MANBA: variants seen among roughly 807,000 people sequenced by gnomAD.
The protein encoded by MANBA is mannosidase beta.
MANBA carries 83 observed loss-of-function variants against 111.1 expected under a neutral mutation model. The observed-to-expected ratio is 0.75, with a 90% CI of 0.63 to 0.90. MANBA has a LOEUF of 0.90. Ranked by LOEUF, MANBA falls within the 40% of genes least tolerant of loss-of-function variation. MANBA has a pLI of 0.00. For missense variants in MANBA, 1,036 were observed against 1,069.0 expected (o/e 0.97, Z 0.43); for synonymous variants, 370 against 378.7 (o/e 0.98, Z 0.27).
chr4:102,706,029 C>G (rs1224762657), intron 5 of MANBA, among the ~76,000 whole-genome samples: 4 of 152,200 alleles, frequency 2.6e-5, no homozygotes, highest in African/African-American at 9.7e-5. Flanking sequence ...GCCACTGCTA[C>G]TGCCATTTCC....
chr4:102,752,199 C>T, intron 1 of MANBA: 1 of 832,736 alleles, frequency 1.2e-6, no homozygotes, highest in Non-Finnish European at 2.1e-6. Context: ...ATCTGCAGTG[C>T]ATCTTGGGAC....
At chr4:102,751,424 CT>C in intron 1 of MANBA, 1 of 483,190 alleles carries the variant, frequency 2.1e-6, no homozygotes. Context: ...AAACACATTT[CT>C]ACACCGATAA....
At chr4:102,754,297 C>T (rs1723922376) in intron 1 of MANBA, among the ~76,000 whole-genome samples, 1 of 151,912 alleles carries the variant, frequency 6.6e-6, no homozygotes, top group South Asian at 2.1e-4. Flanking sequence ...TATGAATCAG[C>T]TATTTAACTT....
intron 1 of MANBA, among the ~76,000 whole-genome samples, chr4:102,737,552 T>G (rs942249432): frequency 6.6e-6 from 1 of 152,062 alleles, no homozygotes; most frequent in African/African-American, 2.4e-5. Context: ...GCACGATCTC[T>G]GCTCACTGCA....
chr4:102,635,876 T>C lies in MANBA; in HGVS notation c.2146A>G (p.Met716Val), dbSNP rs774828127. ...TCCAAGTAACTTACACTGAGTGTCA[T>C]CGAATAATCCGAGTGAAGATCTGAC... ...GVSDLHSDYS[M>V]TLSVRVHTWS... The change falls in exon 15 of 17, where the codon ATG (methionine) becomes GTG (valine). Residue 716 changes from methionine (M) to valine (V), a missense_variant. Physicochemically the swap from Met to Val is conservative, Grantham distance 21 (BLOSUM62 1). Coordinates refer to ENST00000647097, the MANE Select transcript of MANBA (RefSeq NM_005908.4). 6.2e-7 allele frequency: 1 copy of C among 1,612,310 alleles called. No homozygotes were observed. The highest frequency in any genetic ancestry group is 1.1e-5 in the South Asian group (1 of 91,040).
rs121434335 is a variant in MANBA at position 102,726,614 on chromosome 4, C to T, written c.247G>A (p.Glu83Lys). The stretch of plus-strand genomic sequence containing the variant: ...CTAATTTCAAAGGGGATTTTAAATT[C>T]TTTGCTATAGGTCCAGTTATCCAAA... ...VSLDNWTYSK[E>K]FKIPFEISKW... The change falls in exon 2 of 17, where the codon GAA becomes AAA. Residue 83 changes from glutamate (E) to lysine (K), a missense_variant. Coordinates refer to ENST00000647097, the MANE Select transcript of MANBA (RefSeq NM_005908.4). 6.4e-7 allele frequency: 1 copy of T among 1,551,486 alleles called. No individual in the cohort carries two copies. Among genetic ancestry groups the T allele is most frequent in the South Asian group, 1.1e-5 (1 of 88,898 alleles).
intron 16 of MANBA, chr4:102,633,214 C>G (rs1449232769): frequency 2.5e-6 from 1 of 398,204 alleles, no homozygotes; most frequent in Non-Finnish European, 4.4e-6. Context: ...ATCAGAGACT[C>G]AGGCTTGAAT....
chr4:102,651,391 T>C (rs1730327696), intron 12 of MANBA, among the ~76,000 whole-genome samples: 1 of 151,932 alleles, frequency 6.6e-6, no homozygotes, highest in African/African-American at 2.4e-5. Flanking sequence ...TGTCGTCAGC[T>C]CAAATTAAAA....
intron 1 of MANBA, chr4:102,729,163 T>A (rs1283715657): frequency 2.8e-5 from 20 of 723,312 alleles, no homozygotes; most frequent in Non-Finnish European, 3.3e-5. Flanking sequence ...GCTGCAGACA[T>A]CTGTGATGGT....
intron 5 of MANBA, among the ~76,000 whole-genome samples, chr4:102,705,936 C>T (rs1009484965): frequency 6.6e-5 from 10 of 152,228 alleles, no homozygotes; most frequent in South Asian, 2.1e-4. Context: ...GTGCCACCTA[C>T]GGGCCTGGGG....
chr4:102,745,633 T>C (rs1723558984), intron 1 of MANBA, among the ~76,000 whole-genome samples: 1 of 152,164 alleles, frequency 6.6e-6, no homozygotes, highest in African/African-American at 2.4e-5. Context: ...CCATCTTTTA[T>C]CCATATTTCA....
chr4:102,664,908 A>G (rs1560758633), intron 10 of MANBA, 56 bp from the exon 11 acceptor site: 1 of 1,356,522 alleles, frequency 7.4e-7, no homozygotes, highest in African/African-American at 1.4e-5. Context: ...AAAAATTCAG[A>G]GCTATAATTA....
At chr4:102,730,068 G>A in intron 1 of MANBA, 1 of 826,400 alleles carries the variant, frequency 1.2e-6, no homozygotes, top group Non-Finnish European at 1.9e-6. Flanking sequence ...GAAGCCTGAG[G>A]AGCTTATCTG....
intron 5 of MANBA, among the ~76,000 whole-genome samples, chr4:102,697,760 T>G (rs1364553234): frequency 2.6e-5 from 4 of 151,286 alleles, no homozygotes; most frequent in East Asian, 1.9e-4. Flanking sequence ...TCTATCATTG[T>G]TGGACATTTG....
At chr4:102,670,286 C>T (rs1731436697) in intron 9 of MANBA, among the ~76,000 whole-genome samples, 1 of 151,646 alleles carries the variant, frequency 6.6e-6, no homozygotes, top group Non-Finnish European at 1.5e-5. Flanking sequence ...GTTTCCTTAT[C>T]TGTAAATGGG....
chr4:102,707,184 A>G (rs1240977204), intron 5 of MANBA, among the ~76,000 whole-genome samples: 1 of 152,192 alleles, frequency 6.6e-6, no homozygotes, highest in Non-Finnish European at 1.5e-5. Flanking sequence ...GCAAGAGAAA[A>G]GCACCTAGTT....
At chr4:102,734,603 G>C in intron 1 of MANBA, 1 of 1,604,526 alleles carries the variant, frequency 6.2e-7, no homozygotes, top group Non-Finnish European at 8.5e-7. Flanking sequence ...AAGAGACCAA[G>C]AAGAAGCGGT....
intron 4 of MANBA, among the ~76,000 whole-genome samples, chr4:102,722,029 C>CAAAAAAAAAAA (rs562110956): frequency 1.1e-5 from 1 of 87,186 alleles, no homozygotes; most frequent in African/African-American, 4.7e-5. Flanking sequence ...GACCCAGTCT[C>CAAAAAAAAAAA]AAAAAAAAAA....
intron 1 of MANBA, among the ~76,000 whole-genome samples, chr4:102,741,144 A>C (rs1723388300): frequency 6.6e-6 from 1 of 152,222 alleles, no homozygotes; most frequent in Non-Finnish European, 1.5e-5. Flanking sequence ...TAAGGACATG[A>C]ATAGACAATT....
Sources: allele counts gnomAD v4.1 joint callset (sites outside exome capture counted in the v4.1 genomes callset), GRCh38; gene constraint gnomAD v4.1.1; transcripts MANE v1.5; gene names NCBI Gene and HGNC (gene_info 2026-07-23, HGNC 2026-07-21).